The following HDAC9 variants were observed in gnomAD, a reference collection of about 807,000 sequenced individuals.
HDAC9 encodes the protein MEF-2 interacting transcription repressor (MITR) protein.
HDAC9 carries 41 observed loss-of-function variants against 139.4 expected under a neutral mutation model. That is an observed-to-expected ratio of 0.29 (90% CI 0.23 to 0.38). The LOEUF (loss-of-function observed/expected upper bound fraction) is 0.38. Among genes scored for constraint, HDAC9 ranks in the 10% least tolerant of loss-of-function variants. The probability of loss-of-function intolerance (pLI) is 1.00; values close to 1 mark genes in which losing one functional copy is unlikely to be tolerated. For missense variants in HDAC9, 1,147 were observed against 1,297.0 expected, an observed-to-expected ratio of 0.88 and a Z score of 1.78; for synonymous variants, 517 against 476.2, an observed-to-expected ratio of 1.09 and a Z score of -1.12.
chr7:18,288,968 G>C (rs560137581), upstream of HDAC9, among the ~76,000 whole-genome samples: 1 of 152,116 alleles, frequency 6.6e-6, no homozygotes, highest in African/African-American at 2.4e-5. Flanking sequence ...GGACAATGAA[G>C]CAAAGTTCTC....
intron 2 of HDAC9, among the ~76,000 whole-genome samples, chr7:18,545,810 A>G (rs1814604514): frequency 6.6e-6 from 1 of 152,178 alleles, no homozygotes; most frequent in African/African-American, 2.4e-5. Context: ...TTAAGTGGCA[A>G]AATTCGACCT....
At chr7:18,807,694 A>G (rs911499863) in intron 17 of HDAC9, among the ~76,000 whole-genome samples, 4 of 152,282 alleles carry the variant, frequency 2.6e-5, no homozygotes, top group African/African-American at 9.6e-5. Flanking sequence ...TTGGTTTCCC[A>G]GAAATATGTT....
At chr7:18,709,742 C>A (rs1361333718) in intron 12 of HDAC9, among the ~76,000 whole-genome samples, 2 of 152,138 alleles carry the variant, frequency 1.3e-5, no homozygotes, top group Admixed American at 6.5e-5. Context: ...TAATAAAGCA[C>A]CTTTCTTGCC....
chr7:18,283,089 A>G (rs1015570967), intron 2 of HDAC9, among the ~76,000 whole-genome samples: 1 of 152,088 alleles, frequency 6.6e-6, no homozygotes, highest in Non-Finnish European at 1.5e-5. Context: ...TCACACTGCT[A>G]GAAAGAACTA....
At chr7:18,526,155 A>T (rs1182375171) in intron 2 of HDAC9, among the ~76,000 whole-genome samples, 1 of 152,150 alleles carries the variant, frequency 6.6e-6, no homozygotes, top group Non-Finnish European at 1.5e-5. Context: ...TGCATAATGG[A>T]TTATCACATG....
intron 2 of HDAC9, among the ~76,000 whole-genome samples, chr7:18,204,098 G>A (rs1025966751): frequency 6.6e-6 from 1 of 152,124 alleles, no homozygotes; most frequent in Non-Finnish European, 1.5e-5. Flanking sequence ...AACAAAGAGG[G>A]ACCTCCATTA....
intron 22 of HDAC9, among the ~76,000 whole-genome samples, chr7:18,904,971 T>C (rs1802089856): frequency 6.6e-6 from 1 of 152,104 alleles, no homozygotes; most frequent in South Asian, 2.1e-4. Context: ...GGATGTCCAC[T>C]CACTACAACA....
intron 2 of HDAC9, among the ~76,000 whole-genome samples, chr7:18,220,619 A>G (rs1462977099): frequency 2.6e-5 from 4 of 152,188 alleles, no homozygotes; most frequent in Non-Finnish European, 5.9e-5. Flanking sequence ...TGCTGTGAAT[A>G]AATTGACCTA....
chr7:18,743,848 A>C (rs1260606892), intron 13 of HDAC9, among the ~76,000 whole-genome samples: 2 of 151,918 alleles, frequency 1.3e-5, no homozygotes, highest in African/African-American at 4.8e-5. Flanking sequence ...TTGTTTCAGA[A>C]TAGCTTTTTT....
intron 22 of HDAC9, among the ~76,000 whole-genome samples, chr7:18,916,023 A>G (rs1035297332): frequency 0.073 from 268 of 3,652 alleles, no homozygotes; most frequent in South Asian, 0.19. Context: ...CCCCCGCTGG[A>G]AAAAAAAAAA....
chr7:18,551,449 C>T (rs1317795719), intron 2 of HDAC9, among the ~76,000 whole-genome samples: 2 of 152,000 alleles, frequency 1.3e-5, no homozygotes, highest in Non-Finnish European at 2.9e-5. Context: ...AACTAAACCC[C>T]GGGGAACCAG....
chr7:18,791,070 T>C (rs1197925692), intron 16 of HDAC9, among the ~76,000 whole-genome samples: 1 of 152,194 alleles, frequency 6.6e-6, no homozygotes, highest in Non-Finnish European at 1.5e-5. Context: ...GCAAACGTAT[T>C]TGTGGCTACC....
intron 1 of HDAC9, among the ~76,000 whole-genome samples, chr7:18,392,314 C>G (rs1277169132): frequency 1.7e-5 from 2 of 120,912 alleles, no homozygotes; most frequent in Non-Finnish European, 3.3e-5. Context: ...CTCTCTCTCT[C>G]TCACACACAC....
intron 24 of HDAC9, among the ~76,000 whole-genome samples, chr7:18,974,475 G>T (rs1020200195): frequency 3.3e-5 from 5 of 152,148 alleles, no homozygotes; most frequent in African/African-American, 1.2e-4. Context: ...GCATCTTTGT[G>T]TCCTCGACAT....
intron 2 of HDAC9, among the ~76,000 whole-genome samples, chr7:18,522,565 C>T (rs1387877933): frequency 7.3e-6 from 1 of 137,426 alleles, no homozygotes; most frequent in Non-Finnish European, 1.6e-5. Flanking sequence ...ATTGTTAATA[C>T]TGAAAAAAAA....
At chr7:18,790,592 A>T (rs1285485247) in intron 16 of HDAC9, among the ~76,000 whole-genome samples, 3 of 152,216 alleles carry the variant, frequency 2.0e-5, no homozygotes, top group Admixed American at 2.0e-4. Context: ...GACAAAGACA[A>T]ACTTGTTTGT....
intron 21 of HDAC9, among the ~76,000 whole-genome samples, chr7:18,860,994 T>C (rs1421175955): frequency 6.6e-6 from 1 of 152,188 alleles, no homozygotes; most frequent in African/African-American, 2.4e-5. Context: ...TTTCCAGCTC[T>C]AGTCCTTACA....
intron 6 of HDAC9, among the ~76,000 whole-genome samples, chr7:18,603,269 T>G (rs189054644): frequency 2.6e-5 from 4 of 152,260 alleles, no homozygotes; most frequent in Admixed American, 2.6e-4. Context: ...CCTCTCTTCG[T>G]GTATTGAGAC....
At chr7:18,713,028 G>A (rs1040681240) in intron 12 of HDAC9, among the ~76,000 whole-genome samples, 1 of 152,076 alleles carries the variant, frequency 6.6e-6, no homozygotes, top group Admixed American at 6.6e-5. Context: ...TTATCCATTT[G>A]TTCTTTGTTC....
Sources: gnomAD v4.1 joint callset for allele counts (sites outside exome capture counted in the v4.1 genomes callset) on GRCh38, gnomAD v4.1.1 for gene constraint, MANE v1.5 for transcripts, NCBI Gene and HGNC (gene_info 2026-07-23, HGNC 2026-07-21) for gene names.